The following GSN variants were observed in gnomAD, a reference collection of about 807,000 sequenced individuals.
GSN encodes the protein actin-depolymerizing factor.
In GSN, 56 loss-of-function variants were observed where a neutral mutation model predicts 85.7. That is an observed-to-expected ratio of 0.65 (90% CI 0.53 to 0.82). GSN has a LOEUF of 0.82. GSN is among the 40% of genes least tolerant of loss of function. The pLI is 0.00. For missense variants in GSN, 857 were observed against 979.8 expected, an observed-to-expected ratio of 0.87 and a Z score of 1.67; for synonymous variants, 373 against 399.1, an observed-to-expected ratio of 0.93 and a Z score of 0.78.
intron 6 of GSN, among the ~76,000 whole-genome samples, chr9:121,252,187 A>T (rs2054853475): frequency 6.6e-6 from 1 of 152,174 alleles, no homozygotes; most frequent in Admixed American, 6.5e-5. Context: ...AGGGATAAGA[A>T]ATGGGGAAGG....
chr9:121,267,025 T>C (rs1386878097), upstream of GSN, among the ~76,000 whole-genome samples: 2 of 152,132 alleles, frequency 1.3e-5, no homozygotes, highest in Non-Finnish European at 2.9e-5. Flanking sequence ...CTCTAGTACA[T>C]TTTACCTTGT....
chr9:121,310,547 A>G, intron 4 of GSN, 137 bp from the exon 5 acceptor site: 1 of 769,074 alleles, frequency 1.3e-6, no homozygotes, highest in South Asian at 1.5e-5. Context: ...TCCTGAGTTA[A>G]CTGAGAATCA....
chr9:121,255,307 A>G lies in GSN; in HGVS notation c.-341+6984A>G, dbSNP rs188472185. 1.6e-3 allele frequency among the ~76,000 whole-genome samples: 237 copies of G among 152,320 alleles called. 1 individual carries two copies. Among genetic ancestry groups the G allele is most frequent in the African/African-American group, 5.2e-3 (216 of 41,574 alleles). ...CACCCAGTCTAGAGTGCAGTGGCACAACAGTCACTGCATCCTCAACTTCCT... is the reference window on the plus strand; with the variant it reads ...CACCCAGTCTAGAGTGCAGTGGCACGACAGTCACTGCATCCTCAACTTCCT... On this transcript the variant is annotated intron_variant, in intron 6 of 24. Transcript: ENST00000373823.
At position 121,261,277 on chromosome 9, in the gene GSN, T is replaced by C. The variant is rs925185300; in HGVS notation, c.-340-3877T>C. On this transcript the variant is annotated intron_variant, in intron 6 of 24. Transcript: ENST00000373823. The surrounding 1 kb of genome is among the most constrained non-coding windows in gnomAD (Gnocchi z 4.1). ...CTTCCTGCTAAATCCCTGGCAGGCA[T>C]GGGCTGTTAGGGCTGTGGGCCCCTG... Among the ~76,000 whole-genome samples, 1 of 152,262 alleles carries C rather than the reference T, an allele frequency of 6.6e-6. No homozygotes were observed. Among genetic ancestry groups the C allele is most frequent in the Non-Finnish European group, 1.5e-5 (1 of 68,044 alleles).
In GSN at chr9:121,318,984, C is replaced by A; in HGVS notation, c.1191+104C>A. 1 of 909,422 alleles carries A rather than the reference C, an allele frequency of 1.1e-6. No homozygotes were observed. The highest frequency in any genetic ancestry group is 1.8e-6 in the Non-Finnish European group (1 of 564,980). 56.3% of individuals were successfully genotyped at this position (909,422 alleles called of 1,614,324 possible). ...AGGTTTCTCTCTGAGGTTTGCACAA[C>A]TTTGGTAGCTGAGATTCTTTGGTGT... On this transcript the variant is annotated intron_variant, in intron 10 of 17. Coordinates refer to ENST00000432226, the MANE Select transcript of GSN (RefSeq NM_198252.3). The surrounding 1 kb of genome is among the most constrained non-coding windows in gnomAD (Gnocchi z 4.3).
At chr9:121,226,272 G>A (rs1278373001) in intron 4 of GSN, among the ~76,000 whole-genome samples, 1 of 152,228 alleles carries the variant, frequency 6.6e-6, no homozygotes, top group Non-Finnish European at 1.5e-5. Context: ...CATGGGAGAG[G>A]CACTTTCTCC....
intron 2 of GSN, among the ~76,000 whole-genome samples, chr9:121,296,956 C>G (rs2059279806): frequency 6.6e-6 from 1 of 152,232 alleles, no homozygotes; most frequent in Non-Finnish European, 1.5e-5. Context: ...GGTTGATGGC[C>G]AGTGGCCTCT....
At chr9:121,227,653 A>T (rs1237196733) in intron 4 of GSN, among the ~76,000 whole-genome samples, 1 of 152,210 alleles carries the variant, frequency 6.6e-6, no homozygotes, top group Non-Finnish European at 1.5e-5. Flanking sequence ...ATTCAGTAAG[A>T]GGACACCTAG....
intron 4 of GSN, among the ~76,000 whole-genome samples, chr9:121,211,073 CAAAG>C (rs2053960522): frequency 6.6e-6 from 1 of 152,122 alleles, no homozygotes; most frequent in Non-Finnish European, 1.5e-5. Context: ...TAGCCCGTCA[CAAAG>C]AGACAAATAG....
At chr9:121,229,858 T>C (rs1245178178) in intron 4 of GSN, among the ~76,000 whole-genome samples, 1 of 152,242 alleles carries the variant, frequency 6.6e-6, no homozygotes, top group Non-Finnish European at 1.5e-5. Flanking sequence ...TTTACCTGAA[T>C]CAATTATTTC....
At chr9:121,285,901 C>A (rs947646212) in intron 2 of GSN, among the ~76,000 whole-genome samples, 1 of 152,160 alleles carries the variant, frequency 6.6e-6, no homozygotes, top group Non-Finnish European at 1.5e-5. Flanking sequence ...TTCTTCCCCC[C>A]AAAATTGACG....
intron 2 of GSN, 122 bp downstream of exon 2, chr9:121,281,684 T>C (rs751531070): frequency 5.7e-5 from 27 of 470,752 alleles, no homozygotes; most frequent in African/African-American, 5.4e-4. Context: ...TCAGTGGGAG[T>C]CCCTGAGGTC....
At chr9:121,286,194 C>T (rs111298625) in intron 2 of GSN, 39,947 of 1,514,186 alleles carry the variant, frequency 0.026, 656 homozygotes, top group Non-Finnish European at 0.031. Context: ...GGGTGAGTAG[C>T]ACGGGATCTG....
At chr9:121,213,232 G>A (rs945609438) in intron 4 of GSN, among the ~76,000 whole-genome samples, 1 of 152,196 alleles carries the variant, frequency 6.6e-6, no homozygotes, top group African/African-American at 2.4e-5. Context: ...CTTCACGGAG[G>A]AGTGACAAAT....
intron 1 of GSN, among the ~76,000 whole-genome samples, chr9:121,276,658 G>A (rs1230018121): frequency 6.6e-6 from 1 of 152,228 alleles, no homozygotes; most frequent in Non-Finnish European, 1.5e-5. Flanking sequence ...CCCTGAGAGA[G>A]CAAGTGAATT....
rs762513908 is a variant in GSN, at chr9:121,327,415, G to T, written c.1695G>T (p.Thr565=). Residue 565 remains threonine (T), a synonymous_variant, in exon 14 of 18, where the codon ACG becomes ACT. Transcript: ENST00000432226. ...VGTGASEAEK[T]GAQELLRVLR... The stretch of plus-strand genomic sequence containing the variant: ...CAGGAGCCAGCGAGGCAGAGAAGAC[G>T]GGGGCCCAGGAGCTGCTCAGGGTGC... 6.2e-7 allele frequency: 1 copy of T among 1,610,718 alleles called. No individual in the cohort carries two copies. Among genetic ancestry groups the T allele is most frequent in the Non-Finnish European group, 8.5e-7 (1 of 1,178,392 alleles).
At chr9:121,319,855 G>T (rs745837208) in intron 10 of GSN, among the ~76,000 whole-genome samples, 1 of 152,118 alleles carries the variant, frequency 6.6e-6, no homozygotes, top group Non-Finnish European at 1.5e-5. Flanking sequence ...GGGAAGAGGG[G>T]TGTGGGGTTC....
At chr9:121,258,279 G>C (rs953880575) in intron 6 of GSN, among the ~76,000 whole-genome samples, 1 of 152,162 alleles carries the variant, frequency 6.6e-6, no homozygotes, top group Admixed American at 6.5e-5. Flanking sequence ...CCTGGCCAAC[G>C]TGGTGAAACC....
Position 121,315,562 on chromosome 9 carries a change from G to A in GSN, c.754-1524G>A, listed in dbSNP as rs576356694. 4.7e-4 allele frequency among the ~76,000 whole-genome samples: 71 copies of A among 152,148 alleles called. 1 individual carries two copies. The highest frequency in any genetic ancestry group is 2.2e-3 in the Admixed American group (33 of 15,296). On this transcript the variant is annotated intron_variant, in intron 7 of 17. Coordinates refer to ENST00000432226, the MANE Select transcript of GSN (RefSeq NM_198252.3). ...GCGGATCACCTGAGGTCAGGAGTTC[G>A]AGACCAGCCTGGCTAACATGGTGAA...
Sources: allele counts gnomAD v4.1 joint callset (sites outside exome capture counted in the v4.1 genomes callset), GRCh38; gene constraint gnomAD v4.1.1; non-coding constraint Gnocchi (gnomAD v3.1); transcripts MANE v1.5; gene names NCBI Gene and HGNC (gene_info 2026-07-23, HGNC 2026-07-21).